The following AIG1 variants were observed in gnomAD, a reference collection of about 807,000 sequenced individuals.
AIG1 encodes the protein androgen-induced gene 1 protein.
Under a neutral mutation model 31.4 loss-of-function variants are expected in AIG1, and 23 were observed. The observed-to-expected ratio is 0.73, with a 90% CI of 0.53 to 1.04. The LOEUF is 1.04. Among genes scored for constraint, AIG1 ranks in the 50% least tolerant of loss-of-function variants. AIG1 has a pLI of 0.00. For missense variants in AIG1, 274 were observed against 295.0 expected, an observed-to-expected ratio of 0.93 and a Z score of 0.52; for synonymous variants, 100 against 110.5, an observed-to-expected ratio of 0.90 and a Z score of 0.60.
chr6:143,243,824 C>T (rs1794428432), intron 3 of AIG1, among the ~76,000 whole-genome samples: 2 of 152,188 alleles, frequency 1.3e-5, no homozygotes, highest in African/African-American at 4.8e-5. Context: ...CAAGCACACA[C>T]CTCTATGGGA....
chr6:143,231,406 G>T (rs1793428522), intron 3 of AIG1, among the ~76,000 whole-genome samples: 2 of 152,188 alleles, frequency 1.3e-5, no homozygotes, highest in African/African-American at 4.8e-5. Context: ...GACATAAGAT[G>T]AGGCGCATTG....
intron 1 of AIG1, among the ~76,000 whole-genome samples, chr6:143,106,327 G>A (rs1326772052): frequency 6.6e-6 from 1 of 152,122 alleles, no homozygotes; most frequent in African/African-American, 2.4e-5. Flanking sequence ...CCATCCTGCC[G>A]ACATCTTGAT....
chr6:143,273,872 G>A lies in AIG1; in HGVS notation c.400-10238G>A, dbSNP rs186385691. On this transcript the variant is annotated intron_variant, in intron 3 of 5. Coordinates refer to ENST00000357847, the MANE Select transcript of AIG1 (RefSeq NM_016108.4). Reference sequence around the variant, plus strand: ...CTACAATTTAAGATGAGAATTGGGTGAGGACACAGCCAAACCATATCAGTT... The same window carrying A: ...CTACAATTTAAGATGAGAATTGGGTAAGGACACAGCCAAACCATATCAGTT... 9.1e-4 allele frequency among the ~76,000 whole-genome samples: 138 copies of A among 152,296 alleles called. 1 individual carries two copies. The highest frequency in any genetic ancestry group is 1.0e-4 in the Non-Finnish European group (7 of 68,032).
chr6:143,158,757 G>A (rs1179025688), intron 2 of AIG1, among the ~76,000 whole-genome samples: 1 of 152,174 alleles, frequency 6.6e-6, no homozygotes, highest in Non-Finnish European at 1.5e-5. Context: ...AATCCACAGG[G>A]AACATACAGG....
At chr6:143,074,809 C>T (rs965952140) in intron 1 of AIG1, among the ~76,000 whole-genome samples, 1 of 152,162 alleles carries the variant, frequency 6.6e-6, no homozygotes, top group Non-Finnish European at 1.5e-5. Flanking sequence ...TCATGAGGAA[C>T]ATTTGTCAAT....
intron 3 of AIG1, chr6:143,188,643 C>T (rs1789497729): frequency 6.1e-6 from 6 of 984,644 alleles, no homozygotes; most frequent in African/African-American, 3.5e-5. Flanking sequence ...TGATTCTACA[C>T]TTCTTTTAAC....
chr6:143,196,214 C>T (rs1387878304), intron 3 of AIG1, among the ~76,000 whole-genome samples: 1 of 152,116 alleles, frequency 6.6e-6, no homozygotes, highest in Admixed American at 6.5e-5. Context: ...AAGGAGAAAT[C>T]ATAGGAGAAC....
intron 3 of AIG1, among the ~76,000 whole-genome samples, chr6:143,232,105 A>C (rs910759362): frequency 6.6e-6 from 1 of 152,210 alleles, no homozygotes; most frequent in African/African-American, 2.4e-5. Flanking sequence ...TTCCTCTGGC[A>C]AATGTGTGAA....
chr6:143,161,522 A>G lies in AIG1; in HGVS notation c.298-3560A>G, dbSNP rs535935544. On this transcript the variant is annotated intron_variant, in intron 2 of 5. Coordinates refer to ENST00000357847, the MANE Select transcript of AIG1 (RefSeq NM_016108.4). ...TATCAGCAGATTGAATCCAGTAAAA[A>G]CATATATTATATATATATGTGTGTA... Among the ~76,000 whole-genome samples, 4 of 103,792 alleles carry G rather than the reference A, an allele frequency of 3.9e-5. No individual in the cohort carries two copies. The Admixed American group carries it at 4.3e-4, about 11-fold the overall frequency. The allele number at this position is 103,792 out of a possible 152,430, so 68.1% of individuals were successfully genotyped here. A position where few individuals can be genotyped will look rare whatever the true frequency, so the allele number is the denominator to read the frequency against.
rs1321099736 is a variant in AIG1 at position 143,165,237 on chromosome 6, G to A, written c.399+54G>A. On this transcript the variant is annotated intron_variant, in intron 3 of 5. Coordinates refer to ENST00000357847, the MANE Select transcript of AIG1 (RefSeq NM_016108.4). The stretch of plus-strand genomic sequence containing the variant: ...TTTATTTTAAAAAATCTATTAAATA[G>A]CTATGATCTGCTATTTAGACCTTCC... The A allele has an allele frequency of 7.3e-6, 10 of 1,360,936 alleles. No individual in the cohort carries two copies. The African/African-American group carries it at 1.4e-4, about 20-fold the overall frequency. 84.3% of individuals were successfully genotyped at this position (1,360,936 alleles called of 1,614,324 possible).
At chr6:143,072,577 A>AT (rs541291286) in intron 1 of AIG1, among the ~76,000 whole-genome samples, 2,966 of 149,654 alleles carry the variant, frequency 0.02, 35 homozygotes, top group Middle Eastern at 0.049. Context: ...TTAGATATAG[A>AT]TTTTTTTTTT....
In AIG1 at chr6:143,293,456, C is replaced by G. The variant is rs1411406745; in HGVS notation, c.515+9231C>G. ...TTACAAGCACTGTGCTGAGAATGCA[C>G]TATTTTCTCATCTTCTAAGGAAAAG... On this transcript the variant is annotated intron_variant, in intron 4 of 5. Transcript: ENST00000357847. This position sits in a 1 kb window ranked among gnomAD's most constrained non-coding sequence, Gnocchi z 4.8. 6.6e-6 allele frequency among the ~76,000 whole-genome samples: 1 copy of G among 152,200 alleles called. No homozygotes were observed. Among genetic ancestry groups the G allele is most frequent in the African/African-American group, 2.4e-5 (1 of 41,438 alleles).
chr6:143,309,567 G>C (rs1057078212), intron 4 of AIG1, among the ~76,000 whole-genome samples: 2 of 151,650 alleles, frequency 1.3e-5, no homozygotes, highest in African/African-American at 2.4e-5. Context: ...ACAGAAAGGG[G>C]GAAGGGCATA....
intron 2 of AIG1, among the ~76,000 whole-genome samples, chr6:143,154,528 A>T (rs1298780456): frequency 1.3e-5 from 2 of 152,166 alleles, no homozygotes; most frequent in Non-Finnish European, 2.9e-5. Flanking sequence ...AAAGAAAGAA[A>T]AAAAAAGTTA....
At chr6:143,253,883 C>T (rs1407553384) in intron 3 of AIG1, among the ~76,000 whole-genome samples, 2 of 152,168 alleles carry the variant, frequency 1.3e-5, no homozygotes, top group African/African-American at 4.8e-5. Flanking sequence ...CCTTTCCCTA[C>T]AGCACAATAT....
At chr6:143,308,509 A>T (rs547849415) in intron 4 of AIG1, among the ~76,000 whole-genome samples, 1 of 152,306 alleles carries the variant, frequency 6.6e-6, no homozygotes, top group Admixed American at 6.5e-5. Context: ...GCATTCTGAT[A>T]AGCGTCACTT....
rs540952248 is a variant in AIG1 at position 143,070,694 on chromosome 6, T to C, written c.141+9628T>C. 2.6e-5 allele frequency among the ~76,000 whole-genome samples: 4 copies of C among 152,300 alleles called. No homozygotes were observed. In the South Asian group the frequency reaches 8.3e-4, roughly 32 times the overall value. ...CTAGCTTTTATGACAGACCCACTCT[T>C]GTGATAACTAACTCTCCTGTGATAA... On this transcript the variant is annotated intron_variant, in intron 1 of 5. Coordinates refer to ENST00000357847, the MANE Select transcript of AIG1 (RefSeq NM_016108.4).
intron 3 of AIG1, among the ~76,000 whole-genome samples, chr6:143,171,006 A>C (rs749817892): frequency 3.9e-4 from 59 of 152,104 alleles, no homozygotes; most frequent in Non-Finnish European, 4.9e-4. Flanking sequence ...ATTTCAGATG[A>C]ATAAGAGATG....
At chr6:143,136,455 C>G (rs886398218) in intron 1 of AIG1, among the ~76,000 whole-genome samples, 1 of 152,128 alleles carries the variant, frequency 6.6e-6, no homozygotes, top group Non-Finnish European at 1.5e-5. Flanking sequence ...GTTATATTGA[C>G]TAGTAGAAAC....
Sources: allele counts gnomAD v4.1 joint callset (sites outside exome capture counted in the v4.1 genomes callset), GRCh38; gene constraint gnomAD v4.1.1; non-coding constraint Gnocchi (gnomAD v3.1); transcripts MANE v1.5; gene names NCBI Gene and HGNC (gene_info 2026-07-23, HGNC 2026-07-21).